Variants in DNAI3 observed in about 807,000 individuals in gnomAD.
DNAI3 encodes WD repeat domain 63.
Under a neutral mutation model 115.5 loss-of-function variants are expected in DNAI3, and 83 were observed. The observed-to-expected ratio is 0.72, with a 90% CI of 0.60 to 0.86. The LOEUF is 0.86. Ranked by LOEUF, DNAI3 falls within the 40% of genes least tolerant of loss-of-function variation. DNAI3 has a pLI of 0.00. For synonymous variants in DNAI3, 320 were observed against 347.0 expected (o/e 0.92, Z 0.86); for missense variants, 1,004 against 1,075.8 (o/e 0.93, Z 0.93).
intron 14 of DNAI3, among the ~76,000 whole-genome samples, chr1:85,104,996 T>G (rs939976740): frequency 6.6e-6 from 1 of 152,232 alleles, no homozygotes; most frequent in Non-Finnish European, 1.5e-5. Flanking sequence ...AAAAAGTGTT[T>G]TTATAAACAA....
intron 16 of DNAI3, among the ~76,000 whole-genome samples, chr1:85,112,382 A>G (rs1317024612): frequency 6.6e-6 from 1 of 152,264 alleles, no homozygotes; most frequent in Non-Finnish European, 1.5e-5. Context: ...TATTACAAAT[A>G]AAGCTTTTAT....
chr1:85,083,980 C>T (rs1048778029), intron 5 of DNAI3, among the ~76,000 whole-genome samples: 1 of 151,634 alleles, frequency 6.6e-6, no homozygotes, highest in African/African-American at 2.4e-5. Context: ...TTATAAAATT[C>T]TAGGATCTAT....
At chr1:85,122,119 C>T (rs545197639) in intron 18 of DNAI3, among the ~76,000 whole-genome samples, 1 of 152,264 alleles carries the variant, frequency 6.6e-6, no homozygotes, top group African/African-American at 2.4e-5. Flanking sequence ...CTATATGTTG[C>T]TTAAATGACG....
intron 13 of DNAI3, among the ~76,000 whole-genome samples, chr1:85,100,260 T>C (rs1655251749): frequency 6.6e-6 from 1 of 151,876 alleles, no homozygotes; most frequent in Non-Finnish European, 1.5e-5. Context: ...TACAATGAAC[T>C]CAAACAAATT....
intron 1 of DNAI3, 114 bp from the exon 2 acceptor site, chr1:85,071,814 G>A (rs1010187952): frequency 7.5e-5 from 79 of 1,055,386 alleles, no homozygotes; most frequent in Non-Finnish European, 1.0e-4. Flanking sequence ...TTAGCCCAGG[G>A]TAAATCTTAG....
chr1:85,063,766 G>T (rs1027613487), intron 1 of DNAI3, among the ~76,000 whole-genome samples: 3 of 152,186 alleles, frequency 2.0e-5, no homozygotes, highest in African/African-American at 7.2e-5. Context: ...TTGAGTAGTT[G>T]TTCTGGTTAG....
chr1:85,084,290 G>T (rs1406831727), intron 5 of DNAI3, among the ~76,000 whole-genome samples: 5 of 121,404 alleles, frequency 4.1e-5, no homozygotes, highest in African/African-American at 5.7e-5. Flanking sequence ...ACATCCATAT[G>T]TAGAGATGTG....
At chr1:85,097,705 T>C (rs1317181610) in intron 12 of DNAI3, 50 bp downstream of exon 12, 1 of 1,499,334 alleles carries the variant, frequency 6.7e-7, no homozygotes, top group Non-Finnish European at 9.1e-7. Flanking sequence ...TTGAAGAGTT[T>C]ATGGAAAAGT....
At chr1:85,095,563 A>G (rs1167463441) in intron 10 of DNAI3, among the ~76,000 whole-genome samples, 1 of 152,168 alleles carries the variant, frequency 6.6e-6, no homozygotes, top group East Asian at 1.9e-4. Context: ...AACAAAACAG[A>G]CACAGATCCT....
At chr1:85,097,420 A>T (rs1283755665) in intron 11 of DNAI3, 149 bp from the exon 12 acceptor site, 1 of 511,168 alleles carries the variant, frequency 2.0e-6, no homozygotes, top group East Asian at 3.5e-5. Flanking sequence ...TTAGCTTTAA[A>T]AATTGCTGAC....
chr1:85,132,863 T>A lies in DNAI3; in HGVS notation c.2541T>A (p.Tyr847Ter). Residue 847 changes from tyrosine (Y) to a stop codon, truncating the protein, a stop_gained, in exon 23 of 23, where the codon TAT (tyrosine) becomes TAA (stop). Coordinates refer to ENST00000294664, the MANE Select transcript of DNAI3 (RefSeq NM_145172.5). LOFTEE classifies it low-confidence loss of function (END_TRUNC). ...TTTTCTTCCCCCCCCAGAAAACATA[T>A]CAGAAGTCAAAAGAACAAATGCAGG... ...LEMAKKKVKTYQKSKEQMQAE... is the reference protein window; with the variant it reads ...LEMAKKKVKT 1 of 1,613,060 alleles carries A rather than the reference T, an allele frequency of 6.2e-7. No homozygotes were observed. The highest frequency in any genetic ancestry group is 8.5e-7 in the Non-Finnish European group (1 of 1,179,650).
At chr1:85,093,688 T>C (rs772173263) in intron 9 of DNAI3, 40 bp downstream of exon 9, 5 of 1,611,480 alleles carry the variant, frequency 3.1e-6, no homozygotes, top group African/African-American at 1.3e-5. Flanking sequence ...TGTGATAACA[T>C]TGAAATTGTC....
At chr1:85,102,992 T>C (rs1384472121) in intron 13 of DNAI3, among the ~76,000 whole-genome samples, 1 of 152,162 alleles carries the variant, frequency 6.6e-6, no homozygotes, top group Admixed American at 6.5e-5. Context: ...GGTAACACCA[T>C]GCAGGTTCTG....
At chr1:85,073,925 G>A (rs1654369268) in intron 3 of DNAI3, among the ~76,000 whole-genome samples, 1 of 152,104 alleles carries the variant, frequency 6.6e-6, no homozygotes. Context: ...GGAGTGTGGA[G>A]GTGGGGAGAA....
chr1:85,083,492 G>GA (rs1385500810), intron 5 of DNAI3, among the ~76,000 whole-genome samples: 13 of 147,734 alleles, frequency 8.8e-5, no homozygotes, highest in Non-Finnish European at 1.5e-4. Flanking sequence ...GTCTCAAAAA[G>GA]AAAAAAAAAT....
chr1:85,080,199 G>A (rs554192230), intron 3 of DNAI3, among the ~76,000 whole-genome samples: 48 of 151,490 alleles, frequency 3.2e-4, no homozygotes, highest in Non-Finnish European at 6.3e-4. Flanking sequence ...CTACAGGCGC[G>A]TGCCACCATG....
chr1:85,123,844 A>T (rs935285697), intron 18 of DNAI3, among the ~76,000 whole-genome samples: 1 of 152,244 alleles, frequency 6.6e-6, no homozygotes, highest in Admixed American at 6.5e-5. Flanking sequence ...ATAAATATTT[A>T]TTGACTAATT....
chr1:85,123,694 A>G (rs1337812157), intron 18 of DNAI3, among the ~76,000 whole-genome samples: 1 of 152,138 alleles, frequency 6.6e-6, no homozygotes, highest in Non-Finnish European at 1.5e-5. Flanking sequence ...CAATTTTTAC[A>G]TTGTATACTT....
At chr1:85,071,698 G>A (rs769154046) in intron 1 of DNAI3, among the ~76,000 whole-genome samples, 31 of 152,146 alleles carry the variant, frequency 2.0e-4, no homozygotes, top group Non-Finnish European at 1.5e-4. Context: ...ACCACGGTGC[G>A]CTTCAGCTAA....
Sources: allele counts gnomAD v4.1 joint callset (sites outside exome capture counted in the v4.1 genomes callset), GRCh38; gene constraint gnomAD v4.1.1; transcripts MANE v1.5; gene names NCBI Gene and HGNC (gene_info 2026-07-23, HGNC 2026-07-21).